C16orf74: variants seen among roughly 807,000 people sequenced by gnomAD.
C16orf74 encodes calcimembrin, also known as uncharacterized protein C16orf74.
C16orf74 carries 10 observed loss-of-function variants against 6.5 expected under a neutral mutation model. The ratio of observed to expected loss-of-function variants is 1.54; its 90% CI spans 0.95 to 2.61. C16orf74 has a LOEUF of 2.61. Among genes scored for constraint, C16orf74 ranks in the 30% most tolerant of loss-of-function variants. The pLI is 0.00. For missense variants in C16orf74, 141 were observed against 105.9 expected (o/e 1.33, Z -1.45); for synonymous variants, 60 against 42.5 (o/e 1.41, Z -1.60).
At chr16:85,735,561 C>T (rs1391701095) in intron 1 of C16orf74, among the ~76,000 whole-genome samples, 1 of 152,192 alleles carries the variant, frequency 6.6e-6, no homozygotes, top group Non-Finnish European at 1.5e-5. Flanking sequence ...GGGGAACCGA[C>T]ACCACCAAGC....
chr16:85,733,624 G>A (rs1449240293), intron 2 of C16orf74, among the ~76,000 whole-genome samples: 5 of 152,200 alleles, frequency 3.3e-5, no homozygotes, highest in Admixed American at 2.6e-4. Flanking sequence ...GGGAACTCAT[G>A]TCTAAGGGAA....
intron 1 of C16orf74, among the ~76,000 whole-genome samples, chr16:85,736,328 G>A (rs778723630): frequency 6.6e-6 from 1 of 152,158 alleles, no homozygotes; most frequent in Non-Finnish European, 1.5e-5. Flanking sequence ...TGGATTGGTA[G>A]CATCAGCAAC....
intron 1 of C16orf74, among the ~76,000 whole-genome samples, chr16:85,737,877 A>G (rs1281442212): frequency 6.6e-6 from 1 of 152,076 alleles, no homozygotes; most frequent in African/African-American, 2.4e-5. Context: ...GCAGCCCTCC[A>G]GCTGCCTGCA....
intron 2 of C16orf74, among the ~76,000 whole-genome samples, chr16:85,712,528 T>A (rs534770571): frequency 9.1e-4 from 139 of 152,302 alleles, no homozygotes; most frequent in African/African-American, 3.3e-3. Context: ...AGAGGCAGGT[T>A]ACACCTGGGC....
Position 85,740,428 on chromosome 16 carries a change from C to T in C16orf74, c.-18-5193G>A, listed in dbSNP as rs537992773. On this transcript the variant is annotated intron_variant, in intron 1 of 3. Coordinates refer to ENST00000284245, the MANE Select transcript of C16orf74 (RefSeq NM_206967.3). ...AAAAAATTATCCAGGTGTGGCCGGGCGCGGTGGCTCACGCCTGTAATCCCA... is the reference window on the plus strand; with the variant it reads ...AAAAAATTATCCAGGTGTGGCCGGGTGCGGTGGCTCACGCCTGTAATCCCA... Among the ~76,000 whole-genome samples, 5 of 151,124 alleles carry T rather than the reference C, an allele frequency of 3.3e-5. No homozygotes were observed. The South Asian group carries it at 6.3e-4, about 19-fold the overall frequency.
intron 2 of C16orf74, among the ~76,000 whole-genome samples, chr16:85,714,443 G>A (rs1019779041): frequency 1.1e-4 from 16 of 150,346 alleles, no homozygotes; most frequent in East Asian, 5.9e-4. Context: ...TTTTTGAGAC[G>A]GAGTCTTGCT....
intron 2 of C16orf74, among the ~76,000 whole-genome samples, chr16:85,720,043 G>A (rs562470730): frequency 9.9e-5 from 15 of 151,238 alleles, no homozygotes; most frequent in Non-Finnish European, 1.9e-4. Flanking sequence ...TTCCAGATGC[G>A]TTTAATCTTT....
At chr16:85,709,272 T>TGAATGAAG (rs2053943317) in intron 3 of C16orf74, among the ~76,000 whole-genome samples, 1 of 152,138 alleles carries the variant, frequency 6.6e-6, no homozygotes, top group Non-Finnish European at 1.5e-5. Flanking sequence ...AACAATCACT[T>TGAATGAAG]GAATGAAGGA....
rs112128349 is a variant in C16orf74 at position 85,731,931 on chromosome 16, T to G, written c.28+3259A>C. ...GTCTTGAACTCCTGGGCTCAAGAGA[T>G]CCTCCTGCCTCAGTTTCCCAAAGTG... On this transcript the variant is annotated intron_variant, in intron 2 of 3. Coordinates refer to ENST00000284245, the MANE Select transcript of C16orf74 (RefSeq NM_206967.3). 9.5e-3 allele frequency among the ~76,000 whole-genome samples: 1,454 copies of G among 152,314 alleles called. 5 individuals are homozygous for G. The highest frequency in any genetic ancestry group is 0.012 in the Non-Finnish European group (786 of 68,020).
In C16orf74 at chr16:85,738,250, C is replaced by G. The variant is rs377134369; in HGVS notation, c.-18-3015G>C. On this transcript the variant is annotated intron_variant, in intron 1 of 3. Coordinates refer to ENST00000284245, the MANE Select transcript of C16orf74 (RefSeq NM_206967.3). The stretch of plus-strand genomic sequence containing the variant: ...ACAGCAAGAGCCTGTCTCTTAAAAA[C>G]AAAATGCTGCTTGCTGCCTGAGCCC... Among the ~76,000 whole-genome samples the G allele has an allele frequency of 2.0e-5, 3 of 151,728 alleles. No homozygotes were observed. In the South Asian group the frequency reaches 6.3e-4, roughly 32 times the overall value.
At chr16:85,728,965 G>T (rs562467546) in intron 2 of C16orf74, among the ~76,000 whole-genome samples, 1 of 152,310 alleles carries the variant, frequency 6.6e-6, no homozygotes, top group East Asian at 1.9e-4. Context: ...TTGATCCAGT[G>T]GGTCCTGAGA....
At chr16:85,743,532 A>G (rs2054333681) in intron 1 of C16orf74, 1 of 152,204 alleles carries the variant, frequency 6.6e-6, no homozygotes, top group Non-Finnish European at 1.5e-5. Flanking sequence ...CCAAGCCCAC[A>G]TCACTGCACT....
At chr16:85,716,017 A>C (rs1013974211) in intron 2 of C16orf74, among the ~76,000 whole-genome samples, 4 of 146,016 alleles carry the variant, frequency 2.7e-5, no homozygotes, top group Non-Finnish European at 4.4e-5. Context: ...TGATGATCGG[A>C]GGCCCCCGAC....
intron 1 of C16orf74, among the ~76,000 whole-genome samples, chr16:85,742,105 G>A (rs981778814): frequency 1.3e-5 from 2 of 152,180 alleles, no homozygotes; most frequent in African/African-American, 2.4e-5. Flanking sequence ...GGGCGTGGTG[G>A]CTCACGCCTG....
At chr16:85,728,067 G>C (rs937241622) in intron 2 of C16orf74, among the ~76,000 whole-genome samples, 7 of 151,816 alleles carry the variant, frequency 4.6e-5, no homozygotes, top group African/African-American at 1.7e-4. Context: ...GAGCCCCAGA[G>C]ATCAAGGCTG....
intron 3 of C16orf74, among the ~76,000 whole-genome samples, chr16:85,709,466 C>G (rs963898274): frequency 6.6e-6 from 1 of 151,594 alleles, no homozygotes; most frequent in Admixed American, 6.6e-5. Context: ...ACGCTCAGTA[C>G]AGTGCTACCT....
chr16:85,739,958 C>A (rs890450013), intron 1 of C16orf74, among the ~76,000 whole-genome samples: 2 of 151,734 alleles, frequency 1.3e-5, no homozygotes, highest in African/African-American at 2.4e-5. Context: ...GCCTGTAATC[C>A]CAGCACTTAG....
chr16:85,727,532 G>A (rs1408832692), intron 2 of C16orf74, among the ~76,000 whole-genome samples: 5 of 152,190 alleles, frequency 3.3e-5, no homozygotes, highest in African/African-American at 9.7e-5. Flanking sequence ...AGATCTGGCC[G>A]GGTGCGGTGG....
chr16:85,739,864 G>A (rs1170594212), intron 1 of C16orf74, among the ~76,000 whole-genome samples: 1 of 152,052 alleles, frequency 6.6e-6, no homozygotes, highest in Non-Finnish European at 1.5e-5. Context: ...GACAGTCTGG[G>A]GTCAATATTA....
Sources: allele counts gnomAD v4.1 joint callset (sites outside exome capture counted in the v4.1 genomes callset), GRCh38; gene constraint gnomAD v4.1.1; transcripts MANE v1.5; gene names NCBI Gene and HGNC (gene_info 2026-07-23, HGNC 2026-07-21).